Variants in ABCA10 observed in about 807,000 individuals in gnomAD.
ABCA10 encodes the protein ATP-binding cassette sub-family A member 10.
A neutral mutation model predicts 187.5 loss-of-function variants in ABCA10; 169 were observed. The observed-to-expected ratio is 0.90, with a 90% CI of 0.80 to 1.02. The LOEUF is 1.02. ABCA10 is among the 50% of genes least tolerant of loss of function. The probability of loss-of-function intolerance (pLI) is 0.00; values close to 1 mark genes in which losing one functional copy is unlikely to be tolerated. For synonymous variants in ABCA10, 574 were observed against 601.8 expected (o/e 0.95, Z 0.68); for missense variants, 1,727 against 1,812.4 (o/e 0.95, Z 0.86).
chr17:69,211,034 T>C (rs1776615151), intron 9 of ABCA10, among the ~76,000 whole-genome samples: 2 of 150,760 alleles, frequency 1.3e-5, no homozygotes, highest in South Asian at 4.2e-4. Context: ...CTCGTGGGAA[T>C]GTAAACTTGT....
In ABCA10 at chr17:69,222,657, A is replaced by G; in HGVS notation, c.75T>C (p.Asp25=). ...VIGTPDEETM[D]IELPKKYHEM... ...CATGGTATTTTTTTGGAAGTTCTAT[A>G]TCCATGGTCTCTTCATCTGGTGTCC... The change falls in exon 4 of 39, where the codon GAT becomes GAC. Residue 25 remains aspartate, a synonymous_variant. Coordinates refer to ENST00000690296, the MANE Select transcript of ABCA10 (RefSeq NM_001377321.1). 1 of 1,596,402 alleles carries G rather than the reference A, an allele frequency of 6.3e-7. No homozygotes were observed. Among genetic ancestry groups the G allele is most frequent in the Non-Finnish European group, 8.5e-7 (1 of 1,175,900 alleles).
chr17:69,197,001 G>C, intron 11 of ABCA10, 63 bp downstream of exon 11: 5 of 897,604 alleles, frequency 5.6e-6, no homozygotes, highest in East Asian at 2.8e-5. Flanking sequence ...GAGGGAGACC[G>C]TGGACAGAGG....
chr17:69,216,999 C>A (rs1290729390), intron 6 of ABCA10, among the ~76,000 whole-genome samples: 1 of 152,122 alleles, frequency 6.6e-6, no homozygotes, highest in Non-Finnish European at 1.5e-5. Flanking sequence ...GTAATCCCAG[C>A]ACTTTGGGAG....
In ABCA10 at chr17:69,183,732, T is replaced by C. The variant is rs554375357; in HGVS notation, c.2498-924A>G. Among the ~76,000 whole-genome samples the C allele has an allele frequency of 2.1e-3, 323 of 152,272 alleles. 1 individual carries two copies. Among genetic ancestry groups the C allele is most frequent in the Non-Finnish European group, 3.7e-3 (255 of 68,020 alleles). ...CTCTCAGCCCCCAGGGAAGCCATTTTTGACTTTGTCTCAGAGGGGTCCTTG... is the reference window on the plus strand; with the variant it reads ...CTCTCAGCCCCCAGGGAAGCCATTTCTGACTTTGTCTCAGAGGGGTCCTTG... On this transcript the variant is annotated intron_variant, in intron 20 of 38. Transcript: ENST00000690296.
At chr17:69,201,764 G>T in intron 9 of ABCA10, 96 bp from the exon 10 acceptor site, 5 of 1,041,112 alleles carry the variant, frequency 4.8e-6, no homozygotes, top group South Asian at 2.4e-5. Context: ...TTGAACTTAA[G>T]TTATTTATCT....
At chr17:69,182,654 A>C (rs752062758) in intron 21 of ABCA10, 21 bp downstream of exon 21, 1 of 1,547,694 alleles carries the variant, frequency 6.5e-7, no homozygotes. Context: ...AAAAAAAAAC[A>C]GTGCATAGAA....
chr17:69,215,752 T>C, intron 8 of ABCA10, 63 bp downstream of exon 8: 1 of 1,328,642 alleles, frequency 7.5e-7, no homozygotes. Context: ...AGGCACCAAA[T>C]TCTTGAATAA....
rs149407765 is a variant in ABCA10 at position 69,151,137 on chromosome 17, C to T, written c.4397+906G>A. Reference sequence around the variant, plus strand: ...GTCTACATCTCTTACTTTGGCATCTCCACTTGGATATCTCTTTACACATCA... The same window carrying T: ...GTCTACATCTCTTACTTTGGCATCTTCACTTGGATATCTCTTTACACATCA... On this transcript the variant is annotated intron_variant, in intron 36 of 38. Coordinates refer to ENST00000690296, the MANE Select transcript of ABCA10 (RefSeq NM_001377321.1). 3.7e-3 allele frequency among the ~76,000 whole-genome samples: 566 copies of T among 152,282 alleles called. 3 individuals carry two copies. The highest frequency in any genetic ancestry group is 0.013 in the African/African-American group (530 of 41,570).
upstream of ABCA10, chr17:69,233,090 GTATATT>G (rs1345135102): frequency 2.6e-5 from 4 of 151,882 alleles, no homozygotes; most frequent in Non-Finnish European, 5.9e-5. Flanking sequence ...TCCAGTTCCT[GTATATT>G]TATATCTTTC....
At chr17:69,171,189 G>T (rs1192749343) in intron 25 of ABCA10, among the ~76,000 whole-genome samples, 1 of 152,158 alleles carries the variant, frequency 6.6e-6, no homozygotes, top group African/African-American at 2.4e-5. Flanking sequence ...TGACTTTTGA[G>T]ACTAGAATTG....
chr17:69,164,760 G>C (rs1345666713), intron 26 of ABCA10, among the ~76,000 whole-genome samples: 2 of 152,098 alleles, frequency 1.3e-5, no homozygotes, highest in Admixed American at 1.3e-4. Context: ...TGCATGGATT[G>C]ACCCTCTTCC....
At chr17:69,190,782 T>C (rs2074453970) in intron 17 of ABCA10, among the ~76,000 whole-genome samples, 1 of 151,748 alleles carries the variant, frequency 6.6e-6, no homozygotes, top group African/African-American at 2.4e-5. Flanking sequence ...TTATCCTTTG[T>C]ATTTTCTAAC....
upstream of ABCA10, among the ~76,000 whole-genome samples, chr17:69,231,748 T>C (rs991574527): frequency 1.3e-5 from 2 of 152,206 alleles, no homozygotes; most frequent in South Asian, 2.1e-4. Flanking sequence ...TCTGCAGCTG[T>C]TGGACAGAAT....
chr17:69,197,134 T>A lies in ABCA10; in HGVS notation c.1176-12A>T. The stretch of plus-strand genomic sequence containing the variant: ...TAACATTTCTGATTCTGAAAGAAGA[T>A]GAAGTAATTTTCATGTAAATGCATT... On this transcript the variant is annotated splice_polypyrimidine_tract_variant and intron_variant, in intron 10 of 38. Transcript: ENST00000690296. 2 of 1,569,376 alleles carry A rather than the reference T, an allele frequency of 1.3e-6. No individual in the cohort carries two copies. The highest frequency in any genetic ancestry group is 3.4e-5 in the Admixed American group (2 of 59,138).
intron 1 of ABCA10, among the ~76,000 whole-genome samples, chr17:69,242,167 T>C (rs1046443678): frequency 1.3e-5 from 2 of 152,220 alleles, no homozygotes; most frequent in Admixed American, 1.3e-4. Context: ...AATTTAAATG[T>C]AGTCAACAGA....
rs189135808 is a variant in ABCA10, at chr17:69,196,295, G to A, written c.1234+769C>T. On this transcript the variant is annotated intron_variant, in intron 11 of 38. Coordinates refer to ENST00000690296, the MANE Select transcript of ABCA10 (RefSeq NM_001377321.1). ...CAGAGGGGCTCCTCACTTCTCAGAC[G>A]GGGCGGCCGGGCAGAGACGCTCCTC... 5.1e-4 allele frequency: 87 copies of A among 171,136 alleles called. No individual in the cohort carries two copies. The South Asian group carries it at 0.01, about 20-fold the overall frequency. 10.6% of individuals were successfully genotyped at this position (171,136 alleles called of 1,614,324 possible).
At chr17:69,156,362 C>G (rs1482523733) in intron 28 of ABCA10, among the ~76,000 whole-genome samples, 1 of 152,222 alleles carries the variant, frequency 6.6e-6, no homozygotes, top group East Asian at 1.9e-4. Flanking sequence ...ACACTACTTA[C>G]AGACATGTAC....
chr17:69,149,994 C>T lies in ABCA10; in HGVS notation c.4467G>A (p.Lys1489=), dbSNP rs751035956. 1.2e-6 allele frequency: 2 copies of T among 1,611,434 alleles called. No individual in the cohort carries two copies. Among genetic ancestry groups the T allele is most frequent in the East Asian group, 2.2e-5 (1 of 44,834 alleles). The change falls in exon 37 of 39, where the codon AAG becomes AAA. Residue 1489 remains lysine (K), a synonymous_variant. Transcript: ENST00000690296. ...DVHPLSRAFF[K]LEAMKQTFNL... is the part of the protein sequence containing the mutation. ...TATACCCAAACTTACTCGCCTCTAACTTGAAAAAGGCCCGAGATAGAGGGT... is the reference window on the plus strand; with the variant it reads ...TATACCCAAACTTACTCGCCTCTAATTTGAAAAAGGCCCGAGATAGAGGGT...
Position 69,153,557 on chromosome 17 carries a change from A to C in ABCA10, c.3966-11T>G, listed in dbSNP as rs2074147794. The C allele has an allele frequency of 6.2e-7, 1 of 1,614,088 alleles. No individual in the cohort carries two copies. Among genetic ancestry groups the C allele is most frequent in the Non-Finnish European group, 8.5e-7 (1 of 1,179,988 alleles). On this transcript the variant is annotated splice_polypyrimidine_tract_variant and intron_variant, in intron 32 of 38. Coordinates refer to ENST00000690296, the MANE Select transcript of ABCA10 (RefSeq NM_001377321.1). ...AGAGCTTCCACCAATCTGACAAAAA[A>C]CAGTGTGATTATACATGAAGTATAT...
Sources: gnomAD v4.1 joint callset for allele counts (sites outside exome capture counted in the v4.1 genomes callset) on GRCh38, gnomAD v4.1.1 for gene constraint, MANE v1.5 for transcripts, NCBI Gene and HGNC (gene_info 2026-07-23, HGNC 2026-07-21) for gene names.